Variants in ITCH observed in about 807,000 individuals in gnomAD.
ITCH encodes itchy E3 ubiquitin protein ligase.
Under a neutral mutation model 126.8 loss-of-function variants are expected in ITCH, and 28 were observed. The observed-to-expected ratio is 0.22, with a 90% CI of 0.16 to 0.30. ITCH has a LOEUF of 0.30. Among genes scored for constraint, ITCH ranks in the 10% least tolerant of loss-of-function variants. ITCH has a pLI of 1.00. For synonymous variants in ITCH, 342 were observed against 340.0 expected (o/e 1.01, Z -0.06); for missense variants, 631 against 1,032.4 (o/e 0.61, Z 5.33).
rs190171827 is a variant in ITCH, at chr20:34,432,761, G to A, written c.522-5713G>A. Among the ~76,000 whole-genome samples, 560 of 151,986 alleles carry A rather than the reference G, an allele frequency of 3.7e-3. 19 individuals are homozygous for A. Among genetic ancestry groups the A allele is most frequent in the Admixed American group, 0.033 (506 of 15,252 alleles). The stretch of plus-strand genomic sequence containing the variant: ...GCTTGAATCCAGGAGTTCGAGACCA[G>A]CCTGGGTGACATGGCGAAACCCTGT... On this transcript the variant is annotated intron_variant, in intron 7 of 24. Transcript: ENST00000374864.
intron 22 of ITCH, among the ~76,000 whole-genome samples, chr20:34,491,623 T>G: frequency 6.6e-6 from 1 of 152,256 alleles, no homozygotes; most frequent in East Asian, 1.9e-4. Flanking sequence ...ATGAGAAACT[T>G]AAACTGAGCT....
At chr20:34,371,529 C>G (rs2037631377) in intron 2 of ITCH, among the ~76,000 whole-genome samples, 1 of 151,980 alleles carries the variant, frequency 6.6e-6, no homozygotes, top group Admixed American at 6.6e-5. Flanking sequence ...GGTGATCTGC[C>G]CGCCTCTGCC....
At chr20:34,461,715 A>G (rs1180390520) in intron 13 of ITCH, among the ~76,000 whole-genome samples, 16 of 151,094 alleles carry the variant, frequency 1.1e-4, no homozygotes, top group African/African-American at 3.9e-4. Context: ...TCTATAAAAA[A>G]AAAAAAAAAA....
At chr20:34,412,279 A>AT (rs1979150924) in intron 4 of ITCH, among the ~76,000 whole-genome samples, 2 of 152,212 alleles carry the variant, frequency 1.3e-5, no homozygotes, top group Admixed American at 1.3e-4. Flanking sequence ...TTTGTTGACA[A>AT]TATGTGTATG....
intron 10 of ITCH, among the ~76,000 whole-genome samples, chr20:34,445,060 T>TTGA (rs1456499878): frequency 3.9e-5 from 6 of 152,352 alleles, no homozygotes; most frequent in South Asian, 2.1e-4. Context: ...TGTTTGAGAC[T>TTGA]TACTCACTAA....
At chr20:34,484,345 G>A (rs1988964273) in intron 20 of ITCH, among the ~76,000 whole-genome samples, 1 of 152,036 alleles carries the variant, frequency 6.6e-6, no homozygotes, top group Admixed American at 6.6e-5. Flanking sequence ...TTCTTGCCTG[G>A]TTTTTCCCTC....
At chr20:34,366,964 G>A (rs978578332) in intron 1 of ITCH, among the ~76,000 whole-genome samples, 1 of 152,104 alleles carries the variant, frequency 6.6e-6, no homozygotes, top group African/African-American at 2.4e-5. Context: ...TTTTACTAGT[G>A]CAATATTGTT....
At chr20:34,367,739 A>G (rs918067532) in intron 1 of ITCH, among the ~76,000 whole-genome samples, 2 of 152,124 alleles carry the variant, frequency 1.3e-5, no homozygotes, top group Non-Finnish European at 2.9e-5. Flanking sequence ...TTAAAGGTTA[A>G]ATAATTTACC....
chr20:34,481,727 C>G (rs1453086909), intron 20 of ITCH, among the ~76,000 whole-genome samples: 1 of 152,096 alleles, frequency 6.6e-6, no homozygotes, highest in African/African-American at 2.4e-5. Context: ...AAAACCTCAT[C>G]ATCGGCCAGG....
intron 20 of ITCH, among the ~76,000 whole-genome samples, chr20:34,484,291 G>C (rs939887766): frequency 3.9e-5 from 6 of 151,960 alleles, no homozygotes; most frequent in African/African-American, 1.2e-4. Context: ...TTCCAGCCAG[G>C]GTTAAATTTT....
At chr20:34,388,694 A>G (rs1259927473) in intron 2 of ITCH, among the ~76,000 whole-genome samples, 1 of 152,242 alleles carries the variant, frequency 6.6e-6, no homozygotes, top group Non-Finnish European at 1.5e-5. Flanking sequence ...TTACTGAGAC[A>G]TACAAAGGCT....
intron 16 of ITCH, among the ~76,000 whole-genome samples, chr20:34,475,343 A>AC (rs1241086114): frequency 6.6e-6 from 1 of 152,164 alleles, no homozygotes; most frequent in African/African-American, 2.4e-5. Flanking sequence ...AGATCACGCC[A>AC]CTGCACTCCA....
At position 34,472,339 on chromosome 20, in the gene ITCH, C is replaced by T. The variant is rs188456431; in HGVS notation, c.1569+824C>T. Among the ~76,000 whole-genome samples, 17 of 146,112 alleles carry T rather than the reference C, an allele frequency of 1.2e-4. No individual in the cohort carries two copies. The East Asian group carries it at 3.2e-3, about 27-fold the overall frequency. ...CCGAGATCGTGCCATTGCATTCCAG[C>T]CTGGGCAATAAGAGCAAAACTCCAT... is the stretch of plus-strand genomic sequence containing the variant. On this transcript the variant is annotated intron_variant, in intron 16 of 24. Coordinates refer to ENST00000374864, the MANE Select transcript of ITCH (RefSeq NM_031483.7).
intron 24 of ITCH, among the ~76,000 whole-genome samples, chr20:34,507,474 T>C (rs1029321817): frequency 6.6e-6 from 1 of 151,804 alleles, no homozygotes; most frequent in African/African-American, 2.4e-5. Flanking sequence ...TATTGTTGAG[T>C]TTTAAGTTTT....
chr20:34,476,716 AC>A (rs1399070050), intron 16 of ITCH: 1 of 230,752 alleles, frequency 4.3e-6, no homozygotes, highest in East Asian at 9.2e-5. Context: ...AAACAGGTAT[AC>A]TTACTGATCC....
chr20:34,379,977 A>C (rs1326828016), intron 2 of ITCH, among the ~76,000 whole-genome samples: 1 of 138,756 alleles, frequency 7.2e-6, no homozygotes, highest in Non-Finnish European at 1.5e-5. Context: ...GCTCACTGCA[A>C]CCTCCGCCTC....
chr20:34,396,993 T>G (rs1847599859), intron 3 of ITCH, among the ~76,000 whole-genome samples: 1 of 152,118 alleles, frequency 6.6e-6, no homozygotes, highest in Non-Finnish European at 1.5e-5. Flanking sequence ...CTTCACCCTC[T>G]GTCTACATAT....
intron 23 of ITCH, among the ~76,000 whole-genome samples, chr20:34,497,786 T>C (rs1203733508): frequency 1.3e-5 from 2 of 152,152 alleles, no homozygotes; most frequent in Non-Finnish European, 2.9e-5. Flanking sequence ...GCCATGTGAC[T>C]GGTCTGGTCT....
intron 2 of ITCH, among the ~76,000 whole-genome samples, chr20:34,374,669 T>C (rs1182626195): frequency 6.6e-6 from 1 of 152,152 alleles, no homozygotes; most frequent in Non-Finnish European, 1.5e-5. Flanking sequence ...ACTGGGACTT[T>C]AAGTGAACTA....
Sources: allele counts gnomAD v4.1 joint callset (sites outside exome capture counted in the v4.1 genomes callset), GRCh38; gene constraint gnomAD v4.1.1; transcripts MANE v1.5; gene names NCBI Gene and HGNC (gene_info 2026-07-23, HGNC 2026-07-21).